Variants in RIN3 observed in about 807,000 individuals in gnomAD.
RIN3 encodes RAB5 interacting protein 3.
In RIN3, 54 loss-of-function variants were observed where a neutral mutation model predicts 76.3. The ratio of observed to expected loss-of-function variants is 0.71; its 90% CI spans 0.57 to 0.89. The LOEUF (loss-of-function observed/expected upper bound fraction) is 0.89. Among genes scored for constraint, RIN3 ranks in the 40% least tolerant of loss-of-function variants. The pLI, the probability that RIN3 is intolerant of heterozygous loss-of-function variation, is 0.00. For synonymous variants in RIN3, 576 were observed against 564.0 expected, an observed-to-expected ratio of 1.02 and a Z score of -0.30; for missense variants, 1,256 against 1,322.1, an observed-to-expected ratio of 0.95 and a Z score of 0.78.
At chr14:92,576,125 C>A (rs61975773) in intron 2 of RIN3, 72,955 of 884,438 alleles carry the variant, frequency 0.082, 3,425 homozygotes, top group South Asian at 0.13. Context: ...GGAGGGATGC[C>A]CCCTCCCCCT....
In RIN3 at chr14:92,652,432, C is replaced by CA. The variant is rs1409143303; in HGVS notation, c.1384dup (p.Arg462LysfsTer21). ...CCAAACAACCCCCAGTCCCGCCCCCCAGGAAAAAACGGATCTCTCGACAAC... is the reference window on the plus strand; with the variant it reads ...CCAAACAACCCCCAGTCCCGCCCCCCAAGGAAAAAACGGATCTCTCGACAAC... On this transcript the variant is annotated frameshift_variant, in exon 6 of 10. Coordinates refer to ENST00000216487, the MANE Select transcript of RIN3 (RefSeq NM_024832.5). LOFTEE classifies it high-confidence loss of function. The surrounding 1 kb of genome is among the most constrained non-coding windows in gnomAD (Gnocchi z 6.4). 2 of 1,614,072 alleles carry CA rather than the reference C, an allele frequency of 1.2e-6. No homozygotes were observed. Among genetic ancestry groups the CA allele is most frequent in the Non-Finnish European group, 1.7e-6 (2 of 1,180,004 alleles).
At chr14:92,660,323 G>T (rs1887835367) in intron 7 of RIN3, among the ~76,000 whole-genome samples, 1 of 152,108 alleles carries the variant, frequency 6.6e-6, no homozygotes, top group Non-Finnish European at 1.5e-5. Context: ...TCACATGCTG[G>T]GTGGGTGGTT....
In RIN3 at chr14:92,652,001, C is replaced by T. The variant is rs746468787; in HGVS notation, c.952C>T (p.Pro318Ser). ...TCCTTTGCCCACCTCTCCCCCAGTG[C>T]CTGCCCCCCACGTCACACCCCATGC... ...ACPLPTSPPV[P>S]APHVTPHAPG... The change falls in exon 6 of 10, where the codon CCT becomes TCT. Residue 318 changes from proline to serine, a missense_variant. Pro to Ser is a moderately conservative substitution (Grantham distance 74). Transcript: ENST00000216487. This position sits in a 1 kb window ranked among gnomAD's most constrained non-coding sequence, Gnocchi z 6.4. The T allele has an allele frequency of 7.2e-7, 1 of 1,392,398 alleles. No individual in the cohort carries two copies. The highest frequency in any genetic ancestry group is 1.2e-5 in the South Asian group (1 of 85,384). The allele number at this position is 1,392,398 out of a possible 1,614,324, so 86.3% of individuals were successfully genotyped here.
intron 5 of RIN3, chr14:92,644,623 T>C (rs1887132009): frequency 6.6e-6 from 1 of 152,182 alleles, no homozygotes; most frequent in South Asian, 2.1e-4. Flanking sequence ...GTGTTGCAGC[T>C]TAGGAGCTGA....
At chr14:92,544,123 G>C (rs565748221) in intron 1 of RIN3, among the ~76,000 whole-genome samples, 1 of 152,232 alleles carries the variant, frequency 6.6e-6, no homozygotes, top group Admixed American at 6.5e-5. Flanking sequence ...CTTGAGCTGA[G>C]TGGCAGAGTC....
intron 7 of RIN3, among the ~76,000 whole-genome samples, chr14:92,664,363 T>TC (rs1491231734): frequency 1.4e-5 from 1 of 71,208 alleles, no homozygotes; most frequent in Non-Finnish European, 3.7e-5. Context: ...TTTCTTTCTT[T>TC]CTTTTTTTTT....
intron 4 of RIN3, among the ~76,000 whole-genome samples, chr14:92,620,922 G>A (rs1006994016): frequency 6.6e-6 from 1 of 152,178 alleles, no homozygotes; most frequent in Non-Finnish European, 1.5e-5. Context: ...TAAACATAGT[G>A]TGAAGCAATG....
intron 4 of RIN3, among the ~76,000 whole-genome samples, chr14:92,633,124 G>T (rs1055608416): frequency 3.3e-5 from 5 of 152,192 alleles, no homozygotes; most frequent in Admixed American, 6.5e-5. Flanking sequence ...GGGAACCAGA[G>T]GGGTGAGGGC....
chr14:92,577,530 C>A, intron 3 of RIN3, 53 bp downstream of exon 3: 1 of 1,130,390 alleles, frequency 8.8e-7, no homozygotes. Flanking sequence ...GCAGCAGCAG[C>A]AGAGAGGCTG....
At position 92,514,882 on chromosome 14, in the gene RIN3, G is replaced by A. The variant is rs1896396421; in HGVS notation, c.44+906G>A. Reference sequence around the variant, plus strand: ...AGCCTATTTCTGGGTACCCAGGAGCGCGTCTGGGGAGGCCATTCCCAGCTT... The same window carrying A: ...AGCCTATTTCTGGGTACCCAGGAGCACGTCTGGGGAGGCCATTCCCAGCTT... On this transcript the variant is annotated intron_variant, in intron 1 of 9. Coordinates refer to ENST00000216487, the MANE Select transcript of RIN3 (RefSeq NM_024832.5). The surrounding 1 kb of genome is among the most constrained non-coding windows in gnomAD (Gnocchi z 7.2). Among the ~76,000 whole-genome samples the A allele has an allele frequency of 6.6e-6, 1 of 152,292 alleles. No homozygotes were observed. The highest frequency in any genetic ancestry group is 2.4e-5 in the African/African-American group (1 of 41,558).
At chr14:92,619,501 G>A (rs60380499) in intron 4 of RIN3, among the ~76,000 whole-genome samples, 62,723 of 140,886 alleles carry the variant, frequency 0.45, 13,808 homozygotes, top group Non-Finnish European at 0.47. Flanking sequence ...GTGCAGTGGC[G>A]CAATCTCAGC....
chr14:92,612,495 G>C (rs768902751), intron 3 of RIN3, among the ~76,000 whole-genome samples: 1 of 152,212 alleles, frequency 6.6e-6, no homozygotes, highest in East Asian at 1.9e-4. Context: ...GACCCTGTCC[G>C]TGATGCCCCT....
chr14:92,539,590 C>G (rs577456355), intron 1 of RIN3, among the ~76,000 whole-genome samples: 1 of 152,238 alleles, frequency 6.6e-6, no homozygotes, highest in East Asian at 1.9e-4. Flanking sequence ...AGGATTGGTA[C>G]CGTCACCTGT....
At chr14:92,546,592 A>G (rs10144969) in intron 1 of RIN3, among the ~76,000 whole-genome samples, 103,464 of 152,090 alleles carry the variant, frequency 0.68, 35,519 homozygotes, top group Middle Eastern at 0.76. Flanking sequence ...ATCTGTAAAC[A>G]TGTAAACGCG....
At chr14:92,601,978 A>G (rs1180314253) in intron 3 of RIN3, among the ~76,000 whole-genome samples, 1 of 152,244 alleles carries the variant, frequency 6.6e-6, no homozygotes, top group Admixed American at 6.5e-5. Context: ...GCACTTGCTC[A>G]ATACGAAGAG....
At chr14:92,634,509 T>TG (rs2140123860) in intron 4 of RIN3, among the ~76,000 whole-genome samples, 1 of 152,308 alleles carries the variant, frequency 6.6e-6, no homozygotes, top group South Asian at 2.1e-4. Context: ...GCCCTGACCT[T>TG]GGGGGCCTGT....
chr14:92,641,261 G>A lies in RIN3; in HGVS notation c.464G>A (p.Arg155Gln), dbSNP rs761664901. The A allele has an allele frequency of 1.2e-5, 19 of 1,613,958 alleles. No individual in the cohort carries two copies. Among genetic ancestry groups the A allele is most frequent in the Middle Eastern group, 1.6e-4 (1 of 6,084 alleles). ...VSRDLLPFTLRLPQAILEASS... is the reference protein window; with the variant it reads ...VSRDLLPFTLQLPQAILEASS... ...AGAGACTTACTGCCCTTCACACTGC[G>A]GCTACCCCAGGCCATCCTTGAGGCC... Residue 155 changes from arginine to glutamine, a missense_variant, in exon 5 of 10, where the codon CGG becomes CAG. Arg to Gln is a conservative substitution (Grantham distance 43, BLOSUM62 1). This residue lies in a region of RIN3 where 610 missense variants were observed against 626.4 expected (regional missense o/e 0.97). Transcript: ENST00000216487.
At chr14:92,540,628 C>G (rs1481735717) in intron 1 of RIN3, among the ~76,000 whole-genome samples, 1 of 152,172 alleles carries the variant, frequency 6.6e-6, no homozygotes, top group Non-Finnish European at 1.5e-5. Flanking sequence ...GCACCAAAGC[C>G]TGGGCCAGAG....
intron 1 of RIN3, among the ~76,000 whole-genome samples, chr14:92,555,330 CCTCACAGACTCAAGTCTTGGGT>C (rs1282772732): frequency 1.3e-5 from 2 of 152,184 alleles, no homozygotes; most frequent in Non-Finnish European, 2.9e-5. Context: ...CTCGCCATTT[CCTCACAGACTCAAGTCTTGGGT>C]CTCACAGACC....
Sources: gnomAD v4.1 joint callset for allele counts (sites outside exome capture counted in the v4.1 genomes callset) on GRCh38, gnomAD v4.1.1 for gene constraint, gnomAD v4.1.1 regional missense constraint, Gnocchi (gnomAD v3.1) non-coding constraint, MANE v1.5 for transcripts, NCBI Gene and HGNC (gene_info 2026-07-23, HGNC 2026-07-21) for gene names.